Variants in MMS22L observed in about 807,000 individuals in gnomAD.
MMS22L encodes the protein MMS22 like, DNA repair protein, also known as protein MMS22-like.
In MMS22L, 74 loss-of-function variants were observed where a neutral mutation model predicts 159.1. That is an observed-to-expected ratio of 0.47 (90% confidence interval 0.39 to 0.56). MMS22L has a LOEUF of 0.56. Among genes scored for constraint, MMS22L ranks in the 20% least tolerant of loss-of-function variants. The probability of loss-of-function intolerance (pLI) is 0.00; values close to 1 mark genes in which losing one functional copy is unlikely to be tolerated. For missense variants in MMS22L, 1,351 were observed against 1,422.1 expected, an observed-to-expected ratio of 0.95 and a Z score of 0.80; for synonymous variants, 517 against 506.9, an observed-to-expected ratio of 1.02 and a Z score of -0.27.
intron 8 of MMS22L, chr6:97,265,562 G>A (rs2128081059): frequency 6.6e-6 from 1 of 152,236 alleles, no homozygotes. Context: ...TCAACGGAAT[G>A]AAGGGAAAAT....
intron 14 of MMS22L, among the ~76,000 whole-genome samples, chr6:97,213,082 A>G (rs952288398): frequency 6.6e-6 from 1 of 152,140 alleles, no homozygotes; most frequent in African/African-American, 2.4e-5. Flanking sequence ...TAGACAGAGT[A>G]ACATGTCTTT....
chr6:97,179,306 A>C (rs1582484297), intron 17 of MMS22L, 102 bp downstream of exon 17: 1 of 997,562 alleles, frequency 1.0e-6, no homozygotes, highest in Admixed American at 2.7e-5. Context: ...CCAATTACGA[A>C]TATTTTGTAT....
upstream of MMS22L, chr6:97,283,744 A>G (rs1455400068): frequency 6.6e-6 from 1 of 152,244 alleles, no homozygotes; most frequent in Non-Finnish European, 1.5e-5. Context: ...ATAGCAGAAT[A>G]CACACTCCTG....
intron 14 of MMS22L, among the ~76,000 whole-genome samples, chr6:97,213,244 T>C (rs146265960): frequency 0.02 from 3,085 of 152,034 alleles, 108 homozygotes; most frequent in African/African-American, 0.071. Flanking sequence ...CCATCTCTAC[T>C]AAAAATACAA....
chr6:97,152,364 C>T (rs1001837221), intron 22 of MMS22L, among the ~76,000 whole-genome samples: 2 of 151,802 alleles, frequency 1.3e-5, no homozygotes, highest in Non-Finnish European at 2.9e-5. Context: ...GTTTGTGATG[C>T]TATCTTCCTT....
intron 9 of MMS22L, among the ~76,000 whole-genome samples, chr6:97,257,593 T>C (rs1813962159): frequency 6.6e-6 from 1 of 151,998 alleles, no homozygotes; most frequent in Admixed American, 6.6e-5. Context: ...CCACCACACA[T>C]AGGTAATCTT....
At chr6:97,252,233 A>G (rs182954154) in intron 10 of MMS22L, among the ~76,000 whole-genome samples, 46 of 152,302 alleles carry the variant, frequency 3.0e-4, no homozygotes, top group African/African-American at 6.3e-4. Context: ...GGCGGGGTCA[A>G]TATCAACTAA....
chr6:97,144,299 A>G lies in MMS22L; in HGVS notation c.*2507T>C, dbSNP rs575562022. 1 of 152,246 alleles carries G rather than the reference A, an allele frequency of 6.6e-6. No homozygotes were observed. The highest frequency in any genetic ancestry group is 1.5e-5 in the Non-Finnish European group (1 of 68,026). 9.4% of individuals were successfully genotyped at this position (152,246 alleles called of 1,614,324 possible). ...GGTTCCAGGATCCCCTGTGCATACC[A>G]TAATCTGCACTTACTCAAGTCCTGC... is the stretch of plus-strand genomic sequence containing the variant. On this transcript the variant is annotated 3_prime_UTR_variant, in exon 25 of 25. Transcript: ENST00000683635.
intron 14 of MMS22L, among the ~76,000 whole-genome samples, chr6:97,200,340 A>T (rs1312441734): frequency 6.6e-6 from 1 of 152,070 alleles, no homozygotes; most frequent in Non-Finnish European, 1.5e-5. Context: ...TTTAAAAGGG[A>T]GGAAAAGATA....
chr6:97,146,575 A>T lies in MMS22L; in HGVS notation c.*231T>A, dbSNP rs1388139709. The T allele has an allele frequency of 6.6e-6, 2 of 304,160 alleles. No individual in the cohort carries two copies. Among genetic ancestry groups the T allele is most frequent in the African/African-American group, 4.4e-5 (2 of 45,624 alleles). The allele number at this position is 304,160 out of a possible 1,614,324, so 18.8% of individuals were successfully genotyped here. On this transcript the variant is annotated 3_prime_UTR_variant, in exon 25 of 25. Coordinates refer to ENST00000683635, the MANE Select transcript of MMS22L (RefSeq NM_001350599.2). Reference sequence around the variant, plus strand: ...TTTAATTTAGTTTAACTAAAATTTCATCAAGGTAGAATGCAGTTTTGTAAA... The same window carrying T: ...TTTAATTTAGTTTAACTAAAATTTCTTCAAGGTAGAATGCAGTTTTGTAAA...
At chr6:97,232,134 T>C (rs1339556743) in intron 12 of MMS22L, among the ~76,000 whole-genome samples, 2 of 152,164 alleles carry the variant, frequency 1.3e-5, no homozygotes, top group Non-Finnish European at 2.9e-5. Context: ...TTATGTTGAC[T>C]TTTTTGACAA....
At chr6:97,158,608 T>C (rs770096849) in intron 22 of MMS22L, among the ~76,000 whole-genome samples, 17 of 152,226 alleles carry the variant, frequency 1.1e-4, no homozygotes, top group Non-Finnish European at 2.1e-4. Flanking sequence ...AGTTTCCATG[T>C]AGTTGTGCGG....
intron 10 of MMS22L, among the ~76,000 whole-genome samples, chr6:97,248,695 A>C (rs973492307): frequency 2.0e-5 from 3 of 152,044 alleles, no homozygotes; most frequent in African/African-American, 4.8e-5. Flanking sequence ...CCCCGTCTCT[A>C]CTAAAATACA....
At chr6:97,180,830 C>T (rs779658025) in intron 16 of MMS22L, among the ~76,000 whole-genome samples, 12 of 152,124 alleles carry the variant, frequency 7.9e-5, no homozygotes, top group Non-Finnish European at 1.2e-4. Context: ...CAACTGAAAG[C>T]CCAATGAAAA....
At chr6:97,192,716 A>C (rs1806020221) in intron 14 of MMS22L, among the ~76,000 whole-genome samples, 1 of 152,330 alleles carries the variant, frequency 6.6e-6, no homozygotes, top group African/African-American at 2.4e-5. Context: ...GCAAGAATTA[A>C]ATAAGACATA....
At chr6:97,177,445 C>A (rs751544372) in intron 18 of MMS22L, among the ~76,000 whole-genome samples, 1 of 152,056 alleles carries the variant, frequency 6.6e-6, no homozygotes, top group African/African-American at 2.4e-5. Flanking sequence ...GAAGTTCTAG[C>A]ATAATATTAT....
intron 14 of MMS22L, among the ~76,000 whole-genome samples, chr6:97,212,206 C>T (rs544331326): frequency 6.6e-6 from 1 of 152,300 alleles, no homozygotes; most frequent in East Asian, 1.9e-4. Flanking sequence ...AGCACAAAGT[C>T]TGTCATGGCA....
At position 97,144,522 on chromosome 6, in the gene MMS22L, A is replaced by G. The variant is rs533359948; in HGVS notation, c.*2284T>C. 3.3e-5 allele frequency: 5 copies of G among 152,418 alleles called. No homozygotes were observed. Among genetic ancestry groups the G allele is most frequent in the African/African-American group, 9.6e-5 (4 of 41,594 alleles). 9.4% of individuals were successfully genotyped at this position (152,418 alleles called of 1,614,324 possible). On this transcript the variant is annotated 3_prime_UTR_variant, in exon 25 of 25. Transcript: ENST00000683635. Reference sequence around the variant, plus strand: ...TGATGGGAAGATAAAAGAAAATACAATTGTCACAGAGAGGACAAAGAACAT... The same window carrying G: ...TGATGGGAAGATAAAAGAAAATACAGTTGTCACAGAGAGGACAAAGAACAT...
At chr6:97,187,645 A>AAT (rs1349624361) in intron 14 of MMS22L, among the ~76,000 whole-genome samples, 3 of 152,160 alleles carry the variant, frequency 2.0e-5, no homozygotes, top group African/African-American at 7.2e-5. Context: ...GACTTCCTTT[A>AAT]ATAGAGATAG....
Sources: allele counts gnomAD v4.1 joint callset (sites outside exome capture counted in the v4.1 genomes callset), GRCh38; gene constraint gnomAD v4.1.1; transcripts MANE v1.5; gene names NCBI Gene and HGNC (gene_info 2026-07-23, HGNC 2026-07-21).